Variants in SETBP1 observed in about 807,000 individuals in gnomAD.
The protein encoded by SETBP1 is SET-binding protein.
SETBP1 carries 9 observed loss-of-function variants against 101.0 expected under a neutral mutation model. The observed-to-expected ratio is 0.09, with a 90% CI of 0.05 to 0.16. The LOEUF is 0.16. SETBP1 is among the 10% of genes least tolerant of loss of function. The pLI is 1.00. For missense variants in SETBP1, 1,858 were observed against 2,033.8 expected, an observed-to-expected ratio of 0.91 and a Z score of 1.66; for synonymous variants, 818 against 788.5, an observed-to-expected ratio of 1.04 and a Z score of -0.63.
chr18:44,835,544 T>C (rs552830573), intron 2 of SETBP1, among the ~76,000 whole-genome samples: 1 of 152,326 alleles, frequency 6.6e-6, no homozygotes, highest in South Asian at 2.1e-4. Flanking sequence ...TAAAAAAGAA[T>C]TTTTAAGTAT....
chr18:45,007,823 T>C (rs1467317119), intron 4 of SETBP1, among the ~76,000 whole-genome samples: 2 of 152,220 alleles, frequency 1.3e-5, no homozygotes. Context: ...ATTCTGAGGA[T>C]GAAGAATGCA....
rs71177660 is a variant in SETBP1 at position 44,941,077 on chromosome 18, C to CTT, written c.541-8782_541-8781dup. Among the ~76,000 whole-genome samples, 744 of 74,866 alleles carry CTT rather than the reference C, an allele frequency of 9.9e-3. 2 individuals carry two copies. The highest frequency in any genetic ancestry group is 0.011 in the Non-Finnish European group (466 of 41,374). The allele number at this position is 74,866 out of a possible 152,430, so 49.1% of individuals were successfully genotyped here. On this transcript the variant is annotated intron_variant, in intron 3 of 5. Transcript: ENST00000649279. ...ATATTCTAATTAATGAGAAGTCAGA[C>CTT]TTTTTTTTTTTTTTTTTTTTTTTGA...
In SETBP1 at chr18:44,701,355, C is replaced by T. The variant is rs867812026; in HGVS notation, c.9C>T (p.Ser3=). The part of the protein sequence containing the change: ME[S]RETLSSSRQR... ...AGACTGTAGAGATTGTCATGGAGTCCAGGGAAACCTTAAGCAGCTCCCGGC... is the reference window on the plus strand; with the variant it reads ...AGACTGTAGAGATTGTCATGGAGTCTAGGGAAACCTTAAGCAGCTCCCGGC... The change falls in exon 2 of 6, where the codon TCC becomes TCT. Residue 3 remains serine, a synonymous_variant. Transcript: ENST00000649279. The T allele has an allele frequency of 6.6e-7, 1 of 1,505,066 alleles. No homozygotes were observed. Among genetic ancestry groups the T allele is most frequent in the East Asian group, 2.5e-5 (1 of 40,474 alleles). 93.2% of individuals were successfully genotyped at this position (1,505,066 alleles called of 1,614,324 possible). A position where few individuals can be genotyped will look rare whatever the true frequency, so the allele number is the denominator to read the frequency against.
chr18:45,063,352 C>A lies in SETBP1; in HGVS notation c.4445C>A (p.Pro1482His), dbSNP rs2145593769. The A allele has an allele frequency of 6.3e-7, 1 of 1,579,056 alleles. No individual in the cohort carries two copies. Among genetic ancestry groups the A allele is most frequent in the East Asian group, 2.4e-5 (1 of 42,228 alleles). Reference protein sequence around the residue: ...MPVLEKCIDLPSKRGQKPSLS... With the variant: ...MPVLEKCIDLHSKRGQKPSLS... ...GTGCTGGAAAAATGCATCGACCTGC[C>A]CAGCAAAAGAGGCCAGAAGCCCAGC... Residue 1482 changes from proline (P) to histidine (H), a missense_variant, in exon 6 of 6, where the codon CCC (proline) becomes CAC (histidine). Coordinates refer to ENST00000649279, the MANE Select transcript of SETBP1 (RefSeq NM_015559.3).
intron 3 of SETBP1, among the ~76,000 whole-genome samples, chr18:44,892,090 C>T (rs1422070321): frequency 1.3e-5 from 2 of 152,136 alleles, no homozygotes; most frequent in African/African-American, 4.8e-5. Flanking sequence ...AATCCTTTTA[C>T]ATTCAAACAT....
intron 2 of SETBP1, among the ~76,000 whole-genome samples, chr18:44,787,252 A>G (rs1464592112): frequency 1.3e-5 from 2 of 152,240 alleles, no homozygotes; most frequent in Non-Finnish European, 2.9e-5. Context: ...TCAATATCAT[A>G]CAGTAGCAGT....
chr18:44,731,656 G>T (rs574412306), intron 2 of SETBP1, among the ~76,000 whole-genome samples: 4 of 151,280 alleles, frequency 2.6e-5, no homozygotes, highest in Non-Finnish European at 5.9e-5. Flanking sequence ...ACACACACGC[G>T]CACGCACACA....
chr18:44,684,155 C>A (rs185968476), intron 1 of SETBP1, among the ~76,000 whole-genome samples: 2 of 152,304 alleles, frequency 1.3e-5, no homozygotes, highest in East Asian at 3.9e-4. Context: ...CAATTCCATT[C>A]CTATCCTGTG....
intron 4 of SETBP1, among the ~76,000 whole-genome samples, chr18:44,971,446 G>A (rs1423698247): frequency 1.3e-5 from 2 of 152,088 alleles, no homozygotes; most frequent in Non-Finnish European, 2.9e-5. Context: ...CTGAGGAATC[G>A]CCACACCGAC....
chr18:45,030,700 G>A (rs1462870131), intron 4 of SETBP1, among the ~76,000 whole-genome samples: 1 of 148,932 alleles, frequency 6.7e-6, no homozygotes, highest in Non-Finnish European at 1.5e-5. Context: ...CCTGTTATTG[G>A]TCTATTCAGA....
chr18:44,750,733 A>G (rs2070363928), intron 2 of SETBP1, among the ~76,000 whole-genome samples: 1 of 152,102 alleles, frequency 6.6e-6, no homozygotes, highest in Non-Finnish European at 1.5e-5. Flanking sequence ...TCTGCTTTGT[A>G]GAGAATATAA....
At chr18:44,790,724 C>G (rs889939484) in intron 2 of SETBP1, among the ~76,000 whole-genome samples, 2 of 152,138 alleles carry the variant, frequency 1.3e-5, no homozygotes, top group Non-Finnish European at 2.9e-5. Context: ...TTTATTTGGT[C>G]TGGGAGGTGC....
chr18:44,986,532 C>T (rs568319678), intron 4 of SETBP1: 10 of 151,872 alleles, frequency 6.6e-5, no homozygotes, highest in Admixed American at 3.3e-4. Flanking sequence ...AACTTTTTCA[C>T]TTTTGTAATA....
chr18:45,060,775 T>A (rs894865020), intron 5 of SETBP1, among the ~76,000 whole-genome samples: 5 of 152,216 alleles, frequency 3.3e-5, no homozygotes, highest in Non-Finnish European at 7.3e-5. Flanking sequence ...GATTTTGTTT[T>A]TGGGGTTTGT....
intron 3 of SETBP1, among the ~76,000 whole-genome samples, chr18:44,916,051 G>A (rs776445837): frequency 3.9e-5 from 6 of 151,920 alleles, no homozygotes; most frequent in Non-Finnish European, 5.9e-5. Context: ...CATGGTGAAA[G>A]CCCATCTCTA....
At chr18:44,707,138 GA>G in intron 2 of SETBP1, among the ~76,000 whole-genome samples, 1 of 152,300 alleles carries the variant, frequency 6.6e-6, no homozygotes, top group South Asian at 2.1e-4. Context: ...GTTTTCCTAT[GA>G]AGCCAATTCT....
At chr18:44,724,228 A>G (rs1449866140) in intron 2 of SETBP1, among the ~76,000 whole-genome samples, 1 of 152,198 alleles carries the variant, frequency 6.6e-6, no homozygotes, top group African/African-American at 2.4e-5. Context: ...GGAAGTTGGG[A>G]CAGGGGTTTA....
At chr18:44,785,983 G>A (rs565096067) in intron 2 of SETBP1, among the ~76,000 whole-genome samples, 1 of 152,168 alleles carries the variant, frequency 6.6e-6, no homozygotes, top group South Asian at 2.1e-4. Context: ...AGAGTTTCCT[G>A]CTGTTCCCCT....
At chr18:44,842,209 G>A (rs547969961) in intron 2 of SETBP1, among the ~76,000 whole-genome samples, 2 of 152,324 alleles carry the variant, frequency 1.3e-5, no homozygotes, top group South Asian at 4.1e-4. Flanking sequence ...CTTGGATGGT[G>A]GGCATCAGGC....
Sources: allele counts gnomAD v4.1 joint callset (sites outside exome capture counted in the v4.1 genomes callset), GRCh38; gene constraint gnomAD v4.1.1; transcripts MANE v1.5; gene names NCBI Gene and HGNC (gene_info 2026-07-23, HGNC 2026-07-21).